PRDM16: variants seen among roughly 807,000 people sequenced by gnomAD.
PRDM16 encodes the protein PR/SET domain 16.
PRDM16 carries 23 observed loss-of-function variants against 110.6 expected under a neutral mutation model. That is an observed-to-expected ratio of 0.21 (90% CI 0.15 to 0.29). PRDM16 has a LOEUF of 0.29. Ranked by LOEUF, PRDM16 falls within the 10% of genes least tolerant of loss-of-function variation. The pLI is 1.00. For synonymous variants in PRDM16, 799 were observed against 781.8 expected (o/e 1.02, Z -0.37); for missense variants, 1,615 against 1,794.3 (o/e 0.90, Z 1.81).
chr1:3,181,680 AGTCTTACACACG>A (rs1305190404), intron 1 of PRDM16, among the ~76,000 whole-genome samples: 13,917 of 132,658 alleles, frequency 0.1, 500 homozygotes, highest in Admixed American at 0.12. Flanking sequence ...TTACACGCGC[AGTCTTACACACG>A]GTCTTACACA....
At chr1:3,371,192 TCCATCCATCCATCCACCCACCCAC>T (rs1642899782) in intron 3 of PRDM16, among the ~76,000 whole-genome samples, 1 of 110,762 alleles carries the variant, frequency 9.0e-6, no homozygotes, top group Non-Finnish European at 1.8e-5. Context: ...CATCCATCCA[TCCATCCATCCATCCACCCACCCAC>T]CCATCCACCC....
At position 3,358,647 on chromosome 1, in the gene PRDM16, A is replaced by G. The variant is rs1320109527; in HGVS notation, c.439-26505A>G. ...GCTCAGAAACATCTCCGATTGGAAC[A>G]CGACACAGACCATCCTTCCCAGAGC... On this transcript the variant is annotated intron_variant, in intron 3 of 16. Transcript: ENST00000270722. This position sits in a 1 kb window ranked among gnomAD's most constrained non-coding sequence, Gnocchi z 4.0. Among the ~76,000 whole-genome samples the G allele has an allele frequency of 6.6e-6, 1 of 152,140 alleles. No individual in the cohort carries two copies. Among genetic ancestry groups the G allele is most frequent in the East Asian group, 1.9e-4 (1 of 5,174 alleles).
intron 4 of PRDM16, among the ~76,000 whole-genome samples, chr1:3,394,180 C>T (rs964208820): frequency 1.3e-5 from 2 of 152,032 alleles, no homozygotes; most frequent in African/African-American, 2.4e-5. Context: ...AGGCCTGGCG[C>T]CCTCGGAGCT....
rs1383227153 is a variant in PRDM16, at chr1:3,402,922, C to T, written c.808C>T (p.Pro270Ser). 7.4e-6 allele frequency: 12 copies of T among 1,612,870 alleles called. No homozygotes were observed. Among genetic ancestry groups the T allele is most frequent in the Admixed American group, 3.3e-5 (2 of 60,000 alleles). ...LYEGLAEELK[P>S]EGLGGGSGQA... ...CGAGGGCCTGGCTGAGGAGCTCAAG[C>T]CCGAGGGCCTTGGCGGTGGCAGCGG... The change falls in exon 6 of 17, where the codon CCC (proline) becomes TCC (serine). Residue 270 changes from proline to serine, a missense_variant. This residue lies in a region of PRDM16 where 416 missense variants were observed against 467.1 expected (regional missense o/e 0.89). Coordinates refer to ENST00000270722, the MANE Select transcript of PRDM16 (RefSeq NM_022114.4).
At chr1:3,129,292 G>A (rs1643282361) in intron 1 of PRDM16, among the ~76,000 whole-genome samples, 1 of 149,114 alleles carries the variant, frequency 6.7e-6, no homozygotes, top group African/African-American at 2.5e-5. Flanking sequence ...TGCCTGGTGT[G>A]TGCGTGTCAG....
Position 3,071,097 on chromosome 1 carries a change from C to A in PRDM16, c.37+1801C>A, listed in dbSNP as rs543837597. On this transcript the variant is annotated intron_variant, in intron 1 of 16. Transcript: ENST00000270722. ...GCTCAGAGTCGGGACCACCGGGCTG[C>A]GTGTGGGCCGCCAGGTCAGGCCCTC... Among the ~76,000 whole-genome samples the A allele has an allele frequency of 5.3e-3, 803 of 152,396 alleles. 9 individuals are homozygous for A. The highest frequency in any genetic ancestry group is 0.018 in the African/African-American group (751 of 41,598).
Position 3,404,796 on chromosome 1 carries a change from T to C in PRDM16, c.942T>C (p.Cys314=). The change falls in exon 7 of 17, where the codon TGT becomes TGC. Residue 314 remains cysteine (C), a synonymous_variant. Coordinates refer to ENST00000270722, the MANE Select transcript of PRDM16 (RefSeq NM_022114.4). ...AGCGCGAGTACAAATGCGACCAGTG[T>C]CCCAAGGCCTTCAACTGGAAGTCCA... ...TEEREYKCDQ[C]PKAFNWKSNL... 1 of 1,613,662 alleles carries C rather than the reference T, an allele frequency of 6.2e-7. No homozygotes were observed. Among genetic ancestry groups the C allele is most frequent in the Non-Finnish European group, 8.5e-7 (1 of 1,179,986 alleles).
At chr1:3,186,071 A>T in intron 1 of PRDM16, 54 bp from the exon 2 acceptor site, 1 of 1,465,182 alleles carries the variant, frequency 6.8e-7, no homozygotes, top group Non-Finnish European at 9.6e-7. Flanking sequence ...CCTGAGCTGT[A>T]CACACTGGGT....
rs1641679862 is a variant in PRDM16, at chr1:3,069,291, C to G, written c.32C>G (p.Ala11Gly). The change falls in exon 1 of 17, where the codon GCC becomes GGC. Residue 11 changes from alanine (A) to glycine (G), a missense_variant. Around this residue, in one of 5 missense-constraint regions of PRDM16, gnomAD observed 416 missense variants for 467.1 expected, o/e 0.89. Transcript: ENST00000270722. The surrounding 1 kb of genome is among the most constrained non-coding windows in gnomAD (Gnocchi z 6.1). MRSKARARKL[A>G]KSDGDVVNNM... ...TCCAAGGCGAGGGCGAGGAAGCTAG[C>G]CAAAAGTAAGTCTCCCGCGCTCGGC... 6.5e-7 allele frequency: 1 copy of G among 1,538,436 alleles called. No homozygotes were observed. Among genetic ancestry groups the G allele is most frequent in the Non-Finnish European group, 8.8e-7 (1 of 1,141,102 alleles).
intron 10 of PRDM16, among the ~76,000 whole-genome samples, chr1:3,415,534 T>C (rs1164938602): frequency 6.6e-6 from 1 of 152,274 alleles, no homozygotes; most frequent in African/African-American, 2.4e-5. Context: ...CCGTGGAGTT[T>C]GGTTAATAAC....
At chr1:3,256,444 G>A (rs1037056572) in intron 3 of PRDM16, among the ~76,000 whole-genome samples, 1 of 152,216 alleles carries the variant, frequency 6.6e-6, no homozygotes, top group Non-Finnish European at 1.5e-5. Context: ...ATTGTAACAA[G>A]AGTATCACAC....
At chr1:3,169,177 A>C (rs1250000723) in intron 1 of PRDM16, among the ~76,000 whole-genome samples, 1 of 152,206 alleles carries the variant, frequency 6.6e-6, no homozygotes, top group East Asian at 1.9e-4. Flanking sequence ...AAATGGGCCC[A>C]TGGAGGTATT....
intron 3 of PRDM16, among the ~76,000 whole-genome samples, chr1:3,291,312 G>A (rs188712353): frequency 3.9e-5 from 6 of 152,280 alleles, no homozygotes; most frequent in African/African-American, 9.6e-5. Flanking sequence ...TGCGCTCACA[G>A]TGGCCCCACC....
chr1:3,155,510 C>T (rs1040491166), intron 1 of PRDM16, among the ~76,000 whole-genome samples: 10 of 152,380 alleles, frequency 6.6e-5, no homozygotes, highest in African/African-American at 2.4e-4. Flanking sequence ...TCCCGAGGCA[C>T]TTGCTCCTGC....
At chr1:3,330,669 C>T (rs997525322) in intron 3 of PRDM16, among the ~76,000 whole-genome samples, 1 of 152,276 alleles carries the variant, frequency 6.6e-6, no homozygotes, top group African/African-American at 2.4e-5. Flanking sequence ...TCAGGACCCA[C>T]TTGCCAGTCC....
intron 1 of PRDM16, among the ~76,000 whole-genome samples, chr1:3,161,342 G>C (rs1055043976): frequency 1.3e-5 from 2 of 152,204 alleles, no homozygotes; most frequent in Non-Finnish European, 2.9e-5. Context: ...TTTGTTTGCC[G>C]GTCACAGCCA....
At chr1:3,215,879 C>T (rs1639016406) in intron 2 of PRDM16, among the ~76,000 whole-genome samples, 1 of 152,192 alleles carries the variant, frequency 6.6e-6, no homozygotes, top group Non-Finnish European at 1.5e-5. Flanking sequence ...TCATACATCC[C>T]ATTGTTCCCG....
chr1:3,130,015 C>T (rs568761100), intron 1 of PRDM16, among the ~76,000 whole-genome samples: 15 of 152,304 alleles, frequency 9.8e-5, no homozygotes, highest in South Asian at 2.1e-4. Context: ...GCAGTGCAGG[C>T]GGCTTGTTCT....
chr1:3,155,858 C>T (rs936366807), intron 1 of PRDM16, among the ~76,000 whole-genome samples: 1 of 152,220 alleles, frequency 6.6e-6, no homozygotes, highest in Admixed American at 6.5e-5. Context: ...GGCACCCCTG[C>T]GTTACCCTTG....
Sources: allele counts gnomAD v4.1 joint callset (sites outside exome capture counted in the v4.1 genomes callset), GRCh38; gene constraint gnomAD v4.1.1; regional missense constraint gnomAD v4.1.1; non-coding constraint Gnocchi (gnomAD v3.1); transcripts MANE v1.5; gene names NCBI Gene and HGNC (gene_info 2026-07-23, HGNC 2026-07-21).